The following RBFOX1 variants were observed in gnomAD, a reference collection of about 807,000 sequenced individuals.
RBFOX1 encodes RNA binding fox-1 homolog 1.
Under a neutral mutation model 57.7 loss-of-function variants are expected in RBFOX1, and 8 were observed. The ratio of observed to expected loss-of-function variants is 0.14; its 90% confidence interval spans 0.08 to 0.25. RBFOX1 has a LOEUF of 0.25. RBFOX1 is among the 10% of genes least tolerant of loss of function. The pLI, the probability that RBFOX1 is intolerant of heterozygous loss-of-function variation, is 1.00. For missense variants in RBFOX1, 611 were observed against 548.5 expected (o/e 1.11, Z -1.14); for synonymous variants, 326 against 222.4 (o/e 1.47, Z -4.15).
chr16:6,651,089 A>G (rs2098589296), intron 2 of RBFOX1, among the ~76,000 whole-genome samples: 1 of 152,140 alleles, frequency 6.6e-6, no homozygotes, highest in Admixed American at 6.5e-5. Context: ...TTTAGTGGAG[A>G]TGGAGTTTCA....
chr16:7,346,886 A>G (rs2097020397), intron 4 of RBFOX1, among the ~76,000 whole-genome samples: 1 of 152,078 alleles, frequency 6.6e-6, no homozygotes, highest in African/African-American at 2.4e-5. Flanking sequence ...ACAGAACTCA[A>G]TCCTGTCTAG....
chr16:5,710,560 A>G lies in RBFOX1; in HGVS notation c.318+111599A>G, dbSNP rs116624686. ...TGGGTTCTCTCAAGGCAGCTTCCCA[A>G]TTAATCTTTTCTTCTCTGATTAAGG... On this transcript the variant is annotated intron_variant, in intron 3 of 19. Transcript: ENST00000641259. Among the ~76,000 whole-genome samples the G allele has an allele frequency of 9.3e-3, 1,410 of 152,288 alleles. 25 individuals are homozygous for G. The highest frequency in any genetic ancestry group is 0.032 in the African/African-American group (1,336 of 41,548).
At chr16:7,038,755 A>G (rs759164707) in intron 3 of RBFOX1, among the ~76,000 whole-genome samples, 4 of 152,060 alleles carry the variant, frequency 2.6e-5, no homozygotes, top group Non-Finnish European at 5.9e-5. Context: ...GTCTTGCTCA[A>G]TGTTTGTCTG....
At chr16:5,967,038 T>A (rs1194007533) in intron 4 of RBFOX1, among the ~76,000 whole-genome samples, 1 of 150,476 alleles carries the variant, frequency 6.6e-6, no homozygotes, top group African/African-American at 2.4e-5. Flanking sequence ...CACCTGTTTT[T>A]GTAAATTAAG....
chr16:6,589,880 A>G (rs771243241), intron 2 of RBFOX1, among the ~76,000 whole-genome samples: 1 of 152,128 alleles, frequency 6.6e-6, no homozygotes, highest in Non-Finnish European at 1.5e-5. Flanking sequence ...CACTGTTTCG[A>G]TTTCCTCAGC....
chr16:6,262,809 G>A (rs928092928), intron 1 of RBFOX1, among the ~76,000 whole-genome samples: 9 of 152,148 alleles, frequency 5.9e-5, no homozygotes, highest in Admixed American at 2.0e-4. Flanking sequence ...CCAAGGAAGC[G>A]CCCATTCTAA....
intron 1 of RBFOX1, among the ~76,000 whole-genome samples, chr16:6,162,922 C>T (rs1048193338): frequency 2.6e-5 from 4 of 152,018 alleles, no homozygotes; most frequent in Non-Finnish European, 5.9e-5. Flanking sequence ...TTAGTAGAGA[C>T]GAGGTTTTGC....
At chr16:5,874,474 A>G (rs1049461045) in intron 4 of RBFOX1, among the ~76,000 whole-genome samples, 2 of 152,076 alleles carry the variant, frequency 1.3e-5, no homozygotes, top group Admixed American at 6.5e-5. Context: ...CCAGAGAGCT[A>G]TGGTACTGAT....
intron 3 of RBFOX1, among the ~76,000 whole-genome samples, chr16:7,028,839 A>G (rs1252085899): frequency 6.6e-6 from 1 of 150,942 alleles, no homozygotes. Context: ...ACAGCTTATG[A>G]GAAAAGGTGT....
intron 4 of RBFOX1, among the ~76,000 whole-genome samples, chr16:7,315,185 G>T (rs1036320770): frequency 3.3e-5 from 5 of 151,354 alleles, no homozygotes; most frequent in African/African-American, 1.2e-4. Context: ...TTTCCCTATA[G>T]AACTGAGAAC....
chr16:5,679,517 C>A (rs375339880), intron 3 of RBFOX1, among the ~76,000 whole-genome samples: 2 of 152,146 alleles, frequency 1.3e-5, no homozygotes. Context: ...CCCCACCCCC[C>A]GACAGGTCCC....
chr16:5,280,259 C>T (rs2063238937), intron 1 of RBFOX1, among the ~76,000 whole-genome samples: 1 of 152,204 alleles, frequency 6.6e-6, no homozygotes, highest in Admixed American at 6.5e-5. Flanking sequence ...GTATGTTGAG[C>T]CATGTTTGCA....
At chr16:7,183,070 C>T (rs917845567) in intron 4 of RBFOX1, among the ~76,000 whole-genome samples, 8 of 152,114 alleles carry the variant, frequency 5.3e-5, no homozygotes, top group African/African-American at 7.2e-5. Context: ...TATAAGTAAG[C>T]GAATGATCCC....
intron 1 of RBFOX1, among the ~76,000 whole-genome samples, chr16:5,464,984 G>C (rs777251425): frequency 1.3e-5 from 2 of 152,162 alleles, no homozygotes; most frequent in Non-Finnish European, 2.9e-5. Context: ...ACAGGGGTCT[G>C]GAGACTGGGA....
intron 1 of RBFOX1, among the ~76,000 whole-genome samples, chr16:5,322,426 G>A (rs1056527923): frequency 2.1e-4 from 32 of 152,260 alleles, no homozygotes; most frequent in African/African-American, 7.7e-4. Flanking sequence ...TCTGGGTGCT[G>A]AGCCGGGTGC....
chr16:6,541,716 A>G (rs1414214021), intron 2 of RBFOX1, among the ~76,000 whole-genome samples: 2 of 152,228 alleles, frequency 1.3e-5, no homozygotes, highest in South Asian at 4.1e-4. Flanking sequence ...AGATGATGGT[A>G]GCTGCTAAGA....
intron 4 of RBFOX1, among the ~76,000 whole-genome samples, chr16:7,382,704 T>G (rs1018308412): frequency 2.0e-5 from 3 of 152,228 alleles, no homozygotes; most frequent in African/African-American, 4.8e-5. Context: ...AGTCACCTAA[T>G]TAAAACGTTA....
intron 1 of RBFOX1, among the ~76,000 whole-genome samples, chr16:5,307,561 C>T (rs1057162267): frequency 6.6e-6 from 1 of 152,166 alleles, no homozygotes. Context: ...TGCTTTATTC[C>T]AGACATTTTG....
chr16:5,853,129 T>A (rs2151868531), intron 3 of RBFOX1, among the ~76,000 whole-genome samples: 1 of 150,072 alleles, frequency 6.7e-6, no homozygotes, highest in East Asian at 2.0e-4. Flanking sequence ...AGGCAGCCAG[T>A]AAGGGGGTGC....
Sources: gnomAD v4.1 joint callset for allele counts (sites outside exome capture counted in the v4.1 genomes callset) on GRCh38, gnomAD v4.1.1 for gene constraint, MANE v1.5 for transcripts, NCBI Gene and HGNC (gene_info 2026-07-23, HGNC 2026-07-21) for gene names.